HDAC4: variants seen among roughly 807,000 people sequenced by gnomAD.
HDAC4 encodes histone deacetylase 4, also known as histone deacetylase A.
HDAC4 carries 16 observed loss-of-function variants against 135.1 expected under a neutral mutation model. The observed-to-expected ratio is 0.12, with a 90% confidence interval of 0.08 to 0.18. HDAC4 has a LOEUF of 0.18. Ranked by LOEUF, HDAC4 falls within the 10% of genes least tolerant of loss-of-function variation. The pLI is 1.00. For synonymous variants in HDAC4, 685 were observed against 653.4 expected, an observed-to-expected ratio of 1.05 and a Z score of -0.74; for missense variants, 1,143 against 1,511.8, an observed-to-expected ratio of 0.76 and a Z score of 4.05.
intron 1 of HDAC4, among the ~76,000 whole-genome samples, chr2:239,372,763 G>A (rs1054096341): frequency 4.6e-5 from 7 of 152,274 alleles, no homozygotes; most frequent in East Asian, 1.9e-4. Flanking sequence ...AAACCTTTGC[G>A]TGGTTGCTGT....
rs2052638245 is a variant in HDAC4, at chr2:239,307,150, CG to C, written c.22+45527del. Among the ~76,000 whole-genome samples the C allele has an allele frequency of 6.6e-6, 1 of 152,048 alleles. No homozygotes were observed. Among genetic ancestry groups the C allele is most frequent in the East Asian group, 1.9e-4 (1 of 5,146 alleles). ...GCCTGCCGTCCATCCTGGGTGCCCACGAGGGGTCTGGAAACCCTGACAGGGA... is the reference window on the plus strand; with the variant it reads ...GCCTGCCGTCCATCCTGGGTGCCCACAGGGGTCTGGAAACCCTGACAGGGA... On this transcript the variant is annotated intron_variant, in intron 2 of 26. Coordinates refer to ENST00000543185, the MANE Select transcript of HDAC4 (RefSeq NM_001378414.1). The surrounding 1 kb of genome is among the most constrained non-coding windows in gnomAD (Gnocchi z 4.8).
chr2:239,291,973 T>C (rs150271835), intron 2 of HDAC4, among the ~76,000 whole-genome samples: 134 of 152,312 alleles, frequency 8.8e-4, no homozygotes, highest in African/African-American at 3.1e-3. Flanking sequence ...AGGATGCTGG[T>C]GTGTGCACAC....
chr2:239,093,361 G>A (rs1026715565), intron 17 of HDAC4, among the ~76,000 whole-genome samples: 21 of 152,190 alleles, frequency 1.4e-4, no homozygotes, highest in African/African-American at 5.1e-4. Flanking sequence ...CCCACACTTC[G>A]GCTCCCGAGG....
chr2:239,234,244 C>A (rs3791624), intron 3 of HDAC4, among the ~76,000 whole-genome samples: 1 of 152,046 alleles, frequency 6.6e-6, no homozygotes, highest in Non-Finnish European at 1.5e-5. Context: ...ATCGCTGCTA[C>A]GTTATTTAAA....
chr2:239,128,667 G>C (rs964685155), intron 11 of HDAC4, among the ~76,000 whole-genome samples: 2 of 152,254 alleles, frequency 1.3e-5, no homozygotes, highest in Non-Finnish European at 2.9e-5. Context: ...AGGCTACGTA[G>C]TTGCTGGAAA....
At chr2:239,392,081 C>T (rs939540188) in intron 1 of HDAC4, among the ~76,000 whole-genome samples, 3 of 152,218 alleles carry the variant, frequency 2.0e-5, no homozygotes, top group Admixed American at 6.5e-5. Flanking sequence ...CCATCCTGCC[C>T]GGGCCACCAT....
rs927497352 is a variant in HDAC4 at position 239,048,737 on chromosome 2, C to T, written c.*4360G>A. On this transcript the variant is annotated 3_prime_UTR_variant, in exon 27 of 27. Coordinates refer to ENST00000543185, the MANE Select transcript of HDAC4 (RefSeq NM_001378414.1). ...ATCAATGCCAGAGACAAAGTGAGGC[C>T]GAGCTAAGAACACGCTCAGCTTCGT... The T allele has an allele frequency of 2.0e-5, 3 of 152,174 alleles. No homozygotes were observed. Among genetic ancestry groups the T allele is most frequent in the Admixed American group, 1.3e-4 (2 of 15,282 alleles). 9.4% of individuals were successfully genotyped at this position (152,174 alleles called of 1,614,324 possible).
chr2:239,217,962 C>T (rs917332773), intron 3 of HDAC4, among the ~76,000 whole-genome samples: 1 of 152,060 alleles, frequency 6.6e-6, no homozygotes, highest in Non-Finnish European at 1.5e-5. Flanking sequence ...AGTGGTGACA[C>T]GTGCCTGTGG....
chr2:239,130,325 C>T (rs1028966660), intron 11 of HDAC4, among the ~76,000 whole-genome samples: 6 of 152,132 alleles, frequency 3.9e-5, no homozygotes, highest in South Asian at 4.1e-4. Context: ...TCCTGGGACT[C>T]GCTGTTTTTT....
In HDAC4 at chr2:239,352,639, C is replaced by T; in HGVS notation, c.22+39G>A. 1 of 1,548,492 alleles carries T rather than the reference C, an allele frequency of 6.5e-7. No homozygotes were observed. The highest frequency in any genetic ancestry group is 8.7e-7 in the Non-Finnish European group (1 of 1,143,858). ...GAACTTCTACTTTGGGCAAAGAAAG[C>T]CCCGCTGTGTGCCCAGAGAAGAAAT... On this transcript the variant is annotated intron_variant, in intron 2 of 26. Transcript: ENST00000543185. The surrounding 1 kb of genome is among the most constrained non-coding windows in gnomAD (Gnocchi z 4.4).
chr2:239,380,020 G>A (rs1463664176), intron 1 of HDAC4, among the ~76,000 whole-genome samples: 2 of 152,238 alleles, frequency 1.3e-5, no homozygotes, highest in African/African-American at 2.4e-5. Context: ...CCAGCCGGGG[G>A]CGCCAAGACT....
intron 2 of HDAC4, among the ~76,000 whole-genome samples, chr2:239,251,352 G>T (rs370425334): frequency 1.3e-5 from 2 of 152,150 alleles, no homozygotes; most frequent in Admixed American, 1.3e-4. Flanking sequence ...CAACACTTTG[G>T]GAGGAATGAG....
At chr2:239,161,402 T>C (rs1380072519) in intron 6 of HDAC4, among the ~76,000 whole-genome samples, 1 of 152,200 alleles carries the variant, frequency 6.6e-6, no homozygotes, top group Non-Finnish European at 1.5e-5. Flanking sequence ...CTACTAGGTC[T>C]CCTTCCAGTT....
intron 15 of HDAC4, among the ~76,000 whole-genome samples, chr2:239,107,275 C>T (rs970381209): frequency 6.6e-6 from 1 of 152,224 alleles, no homozygotes; most frequent in Admixed American, 6.5e-5. Flanking sequence ...CCTCCTTGGG[C>T]CTGGGAGTCC....
chr2:239,341,233 G>C (rs143607395), intron 2 of HDAC4, among the ~76,000 whole-genome samples: 149 of 152,354 alleles, frequency 9.8e-4, no homozygotes, highest in African/African-American at 3.4e-3. Context: ...CAGTGCTATG[G>C]AAGCACATGA....
At chr2:239,114,963 A>G in intron 13 of HDAC4, 90 bp downstream of exon 13, 1 of 1,489,276 alleles carries the variant, frequency 6.7e-7, no homozygotes, top group Non-Finnish European at 9.2e-7. Flanking sequence ...GATGCCCTGC[A>G]GCCCCCGTGA....
In HDAC4 at chr2:239,210,589, G is replaced by A. The variant is rs906347274; in HGVS notation, c.95-20512C>T. ...GCTTGGGGCTCCCTTGGAGGAGACC[G>A]GCCCTGCTTAAACCAGCACAGGGAA... On this transcript the variant is annotated intron_variant, in intron 3 of 26. Transcript: ENST00000543185. Among the ~76,000 whole-genome samples, 5 of 152,280 alleles carry A rather than the reference G, an allele frequency of 3.3e-5. No individual in the cohort carries two copies. In the South Asian group the frequency reaches 6.2e-4, roughly 19 times the overall value.
intron 2 of HDAC4, among the ~76,000 whole-genome samples, chr2:239,322,474 A>G (rs537755858): frequency 6.6e-6 from 1 of 152,360 alleles, no homozygotes; most frequent in Admixed American, 6.5e-5. Context: ...AAATATGTAG[A>G]AAACACTTAG....
chr2:239,214,059 C>T (rs929049906), intron 3 of HDAC4, among the ~76,000 whole-genome samples: 1 of 152,184 alleles, frequency 6.6e-6, no homozygotes, highest in Non-Finnish European at 1.5e-5. Flanking sequence ...GTGTGTGACA[C>T]GTTACTATAA....
Sources: gnomAD v4.1 joint callset for allele counts (sites outside exome capture counted in the v4.1 genomes callset) on GRCh38, gnomAD v4.1.1 for gene constraint, Gnocchi (gnomAD v3.1) non-coding constraint, MANE v1.5 for transcripts, NCBI Gene and HGNC (gene_info 2026-07-23, HGNC 2026-07-21) for gene names.